The following PIGL variants were observed in gnomAD, a reference collection of about 807,000 sequenced individuals.
The protein encoded by PIGL is N-acetylglucosaminyl-phosphatidylinositol de-N-acetylase.
In PIGL, 22 loss-of-function variants were observed where a neutral mutation model predicts 31.1. That is an observed-to-expected ratio of 0.71 (90% CI 0.51 to 1.01). PIGL has a LOEUF of 1.01. PIGL is among the 50% of genes least tolerant of loss of function. The pLI is 0.00. For missense variants in PIGL, 302 were observed against 315.9 expected (o/e 0.96, Z 0.33); for synonymous variants, 131 against 117.4 (o/e 1.12, Z -0.75).
Position 16,317,975 on chromosome 17 carries a change from C to G in PIGL, c.660+67C>G. On this transcript the variant is annotated intron_variant, in intron 6 of 6. Transcript: ENST00000225609. ...GCCCCAGACCCCTGTCTCCTCAAAG[C>G]CCCACCTCTGCAGAAGCCCTAACTG... 8.0e-6 allele frequency: 11 copies of G among 1,376,754 alleles called. No homozygotes were observed. In the South Asian group the frequency reaches 1.2e-4, roughly 15 times the overall value. The allele number at this position is 1,376,754 out of a possible 1,614,324, so 85.3% of individuals were successfully genotyped here. A position where few individuals can be genotyped will look rare whatever the true frequency, so the allele number is the denominator to read the frequency against.
chr17:16,321,762 T>G (rs751640883), intron 6 of PIGL, among the ~76,000 whole-genome samples: 23 of 151,960 alleles, frequency 1.5e-4, no homozygotes, highest in Non-Finnish European at 3.2e-4. Flanking sequence ...CTGTCTGTCT[T>G]TCTTTCTTTC....
intron 2 of PIGL, among the ~76,000 whole-genome samples, chr17:16,241,515 C>T (rs577077518): frequency 1.3e-5 from 2 of 150,684 alleles, no homozygotes; most frequent in African/African-American, 2.4e-5. Flanking sequence ...TGCAGTGAGC[C>T]GAGATCACAC....
intron 2 of PIGL, among the ~76,000 whole-genome samples, chr17:16,269,725 A>G (rs2092862262): frequency 6.6e-6 from 1 of 151,068 alleles, no homozygotes; most frequent in South Asian, 2.1e-4. Flanking sequence ...TGTACTCTGC[A>G]TGAATCTAAT....
chr17:16,253,023 G>T (rs1387929989), intron 2 of PIGL, among the ~76,000 whole-genome samples: 2 of 152,152 alleles, frequency 1.3e-5, no homozygotes, highest in African/African-American at 2.4e-5. Context: ...TTCAAGGCCA[G>T]CCTGACCAAC....
At chr17:16,311,486 A>ATTTTTTTTTTTTTTTT (rs1568840853) in intron 3 of PIGL, among the ~76,000 whole-genome samples, 18 of 10,300 alleles carry the variant, frequency 1.7e-3, no homozygotes, top group East Asian at 4.8e-3. Context: ...TTTTTTGATC[A>ATTTTTTTTTTTTTTTT]TTCTTGGGTG....
At chr17:16,291,826 C>G (rs1287247781) in intron 2 of PIGL, among the ~76,000 whole-genome samples, 1 of 151,058 alleles carries the variant, frequency 6.6e-6, no homozygotes, top group Non-Finnish European at 1.5e-5. Context: ...GATTGTGCCA[C>G]TGTACTCCAG....
intron 2 of PIGL, among the ~76,000 whole-genome samples, chr17:16,247,218 G>A (rs2092752464): frequency 6.6e-6 from 1 of 152,076 alleles, no homozygotes; most frequent in African/African-American, 2.4e-5. Context: ...ACAATTAGTG[G>A]TTAGGGCTTC....
chr17:16,302,756 C>T (rs527639154), intron 3 of PIGL, among the ~76,000 whole-genome samples: 1 of 150,794 alleles, frequency 6.6e-6, no homozygotes, highest in Admixed American at 6.6e-5. Flanking sequence ...CGCGCCACCA[C>T]GCCCAGATAA....
intron 2 of PIGL, chr17:16,282,102 A>AC (rs754578877): frequency 5.2e-5 from 26 of 501,398 alleles, no homozygotes; most frequent in Non-Finnish European, 9.6e-5. Context: ...AGAATAATTC[A>AC]CCCTACAGAA....
chr17:16,271,254 C>G (rs892147627), intron 2 of PIGL, among the ~76,000 whole-genome samples: 9 of 152,154 alleles, frequency 5.9e-5, no homozygotes, highest in African/African-American at 1.9e-4. Context: ...CTCAAGCAGT[C>G]CAGGATCAGT....
In PIGL at chr17:16,300,079, C is replaced by T. The variant is rs570995160; in HGVS notation, c.426+101C>T. The T allele has an allele frequency of 4.9e-5, 41 of 843,886 alleles. No homozygotes were observed. The South Asian group carries it at 5.7e-4, about 12-fold the overall frequency. The allele number at this position is 843,886 out of a possible 1,614,324, so 52.3% of individuals were successfully genotyped here. On this transcript the variant is annotated intron_variant, in intron 3 of 6. Transcript: ENST00000225609. ...CTGTGGCCACCCTCCCACTTCCAGT[C>T]CTTCTCCAGGGCCACTCTCTAAGGA...
At chr17:16,273,620 T>C (rs545057844) in intron 2 of PIGL, among the ~76,000 whole-genome samples, 1 of 105,240 alleles carries the variant, frequency 9.5e-6, no homozygotes, top group East Asian at 2.0e-4. Flanking sequence ...GCAGGGGAAA[T>C]TGAGAGGAGA....
At chr17:16,303,731 T>C (rs1295934417) in intron 3 of PIGL, among the ~76,000 whole-genome samples, 2 of 144,074 alleles carry the variant, frequency 1.4e-5, no homozygotes, top group African/African-American at 2.6e-5. Flanking sequence ...TTTTCTTTTT[T>C]TGAGACAGAG....
intron 2 of PIGL, among the ~76,000 whole-genome samples, chr17:16,268,019 G>C (rs2092852682): frequency 6.6e-6 from 1 of 152,192 alleles, no homozygotes; most frequent in Admixed American, 6.5e-5. Context: ...AGGGAGGGGA[G>C]GAGACTGTAA....
chr17:16,318,018 T>C, intron 6 of PIGL, 110 bp downstream of exon 6: 1 of 868,304 alleles, frequency 1.2e-6, no homozygotes, highest in Non-Finnish European at 1.9e-6. Context: ...TTCACAGTGG[T>C]TCAGCACCTG....
chr17:16,221,434 G>A (rs1479696883), intron 1 of PIGL, among the ~76,000 whole-genome samples: 1 of 150,784 alleles, frequency 6.6e-6, no homozygotes, highest in African/African-American at 2.4e-5. Flanking sequence ...CTATAGGCGT[G>A]TGCCAGCACA....
At chr17:16,275,670 T>C (rs2092891927) in intron 2 of PIGL, among the ~76,000 whole-genome samples, 1 of 152,182 alleles carries the variant, frequency 6.6e-6, no homozygotes, top group African/African-American at 2.4e-5. Flanking sequence ...ATAGGGGCAA[T>C]GATATTACTG....
At position 16,299,913 on chromosome 17, in the gene PIGL, C is replaced by G. The variant is rs766430723; in HGVS notation, c.361C>G (p.Gln121Glu). The G allele has an allele frequency of 1.2e-6, 2 of 1,613,630 alleles. No homozygotes were observed. Among genetic ancestry groups the G allele is most frequent in the Non-Finnish European group, 1.7e-6 (2 of 1,179,508 alleles). The change falls in exon 3 of 7, where the codon CAG becomes GAG. Residue 121 changes from glutamine (Q) to glutamate (E), a missense_variant. Gln to Glu is a conservative substitution (Grantham distance 29). Coordinates refer to ENST00000225609, the MANE Select transcript of PIGL (RefSeq NM_004278.4). ...NRDFPDDPGM[Q>E]WDTEHVARVL... ...GGATTTCCCAGATGACCCAGGCATG[C>G]AGTGGGACACAGAGCACGTGGCCAG... is the stretch of plus-strand genomic sequence containing the variant.
chr17:16,301,538 A>C (rs2093004650), intron 3 of PIGL, among the ~76,000 whole-genome samples: 1 of 148,336 alleles, frequency 6.7e-6, no homozygotes, highest in Non-Finnish European at 1.5e-5. Flanking sequence ...CTGGGATTAC[A>C]GGCATGAGCT....
Sources: allele counts gnomAD v4.1 joint callset (sites outside exome capture counted in the v4.1 genomes callset), GRCh38; gene constraint gnomAD v4.1.1; transcripts MANE v1.5; gene names NCBI Gene and HGNC (gene_info 2026-07-23, HGNC 2026-07-21).